MCC: variants seen among roughly 807,000 people sequenced by gnomAD.
The protein encoded by MCC is colorectal mutant cancer protein.
A neutral mutation model predicts 116.2 loss-of-function variants in MCC; 90 were observed. The observed-to-expected ratio is 0.77, with a 90% CI of 0.65 to 0.92. The LOEUF (loss-of-function observed/expected upper bound fraction) is 0.92, where lower values mean the gene tolerates loss of function less well. MCC is among the 40% of genes least tolerant of loss of function. The probability of loss-of-function intolerance (pLI) is 0.00; values close to 1 mark genes in which losing one functional copy is unlikely to be tolerated. For synonymous variants in MCC, 578 were observed against 510.5 expected (o/e 1.13, Z -1.78); for missense variants, 1,516 against 1,312.2 (o/e 1.16, Z -2.40).
At chr5:113,235,095 A>G (rs910024615) in intron 3 of MCC, among the ~76,000 whole-genome samples, 1 of 152,200 alleles carries the variant, frequency 6.6e-6, no homozygotes. Context: ...TGTTTGAGTG[A>G]GCTGATTCTG....
intron 3 of MCC, among the ~76,000 whole-genome samples, chr5:113,174,896 T>G (rs534854723): frequency 6.6e-6 from 1 of 151,500 alleles, no homozygotes; most frequent in African/African-American, 2.4e-5. Context: ...GATGACAGAT[T>G]TTTTTTTTAA....
At chr5:113,432,046 G>T (rs1220418968) in intron 1 of MCC, among the ~76,000 whole-genome samples, 1 of 152,210 alleles carries the variant, frequency 6.6e-6, no homozygotes, top group East Asian at 1.9e-4. Flanking sequence ...TGAGGCAGGA[G>T]AATTGGTTGA....
At chr5:113,128,922 A>C (rs1313559026) in intron 5 of MCC, among the ~76,000 whole-genome samples, 1 of 152,216 alleles carries the variant, frequency 6.6e-6, no homozygotes, top group African/African-American at 2.4e-5. Flanking sequence ...CATGTATACC[A>C]AGATGTACGT....
chr5:113,022,594 C>A lies in MCC; in HGVS notation c.*4708G>T, dbSNP rs1176260443. ...ATTATCAGGGGCTCTTACTCACTTG[C>A]CATTCCTGACATGAGCACTATAAGT... is the stretch of plus-strand genomic sequence containing the variant. On this transcript the variant is annotated 3_prime_UTR_variant, in exon 19 of 19. Transcript: ENST00000408903. The A allele has an allele frequency of 1.3e-5, 2 of 152,186 alleles. No homozygotes were observed. The highest frequency in any genetic ancestry group is 4.8e-5 in the African/African-American group (2 of 41,428). 9.4% of individuals were successfully genotyped at this position (152,186 alleles called of 1,614,324 possible).
chr5:113,204,852 T>C (rs1051881351), intron 3 of MCC, among the ~76,000 whole-genome samples: 1 of 152,220 alleles, frequency 6.6e-6, no homozygotes, highest in African/African-American at 2.4e-5. Context: ...ACAATCAGTT[T>C]TGAAGTCTTA....
intron 2 of MCC, among the ~76,000 whole-genome samples, chr5:113,370,571 T>A (rs1768813712): frequency 6.6e-6 from 1 of 152,164 alleles, no homozygotes; most frequent in East Asian, 1.9e-4. Context: ...AGAAGCCATC[T>A]CCTCCTCTAC....
intron 16 of MCC, chr5:113,044,499 A>G (rs1580910809): frequency 1.0e-6 from 1 of 983,910 alleles, no homozygotes; most frequent in African/African-American, 1.7e-5. Flanking sequence ...CTCAACGGAC[A>G]TGAGTGCTAC....
chr5:113,094,371 A>G (rs1054961150), intron 8 of MCC, among the ~76,000 whole-genome samples: 53 of 149,394 alleles, frequency 3.5e-4, no homozygotes, highest in Admixed American at 8.0e-4. Context: ...AAGTACCTGG[A>G]TGTGTTATAA....
chr5:113,402,920 C>A (rs185054447), intron 1 of MCC, among the ~76,000 whole-genome samples: 33 of 152,260 alleles, frequency 2.2e-4, no homozygotes, highest in Non-Finnish European at 4.4e-4. Context: ...TCAGCCTTCA[C>A]ACCCAGATAA....
intron 1 of MCC, among the ~76,000 whole-genome samples, chr5:113,390,642 C>T (rs573771629): frequency 6.6e-6 from 1 of 152,266 alleles, no homozygotes; most frequent in Admixed American, 6.5e-5. Context: ...AATTCGCAGC[C>T]TAACCTTGGG....
intron 3 of MCC, among the ~76,000 whole-genome samples, chr5:113,185,675 ACTT>A (rs1761864666): frequency 6.6e-6 from 1 of 152,230 alleles, no homozygotes; most frequent in Non-Finnish European, 1.5e-5. Flanking sequence ...AGCTTTACAA[ACTT>A]CAACCTCTCT....
chr5:113,089,614 A>T (rs567229269), intron 8 of MCC, among the ~76,000 whole-genome samples: 2 of 152,260 alleles, frequency 1.3e-5, no homozygotes, highest in African/African-American at 4.8e-5. Context: ...CTAGAGTGGC[A>T]CTATCTGCTA....
chr5:113,109,081 C>A (rs1756926390), intron 6 of MCC, among the ~76,000 whole-genome samples: 1 of 152,334 alleles, frequency 6.6e-6, no homozygotes, highest in African/African-American at 2.4e-5. Context: ...TGGCTCCAGA[C>A]AGAACTGTCT....
rs571794700 is a variant in MCC at position 113,109,987 on chromosome 5, C to CT, written c.1028-5633dup. On this transcript the variant is annotated intron_variant, in intron 6 of 18. Transcript: ENST00000408903. ...TACTTTATTTTTTTATTTTAAAAAT[C>CT]TTTTTTTTTTCTCCAGAGACAGGAT... Among the ~76,000 whole-genome samples, 100 of 150,190 alleles carry CT rather than the reference C, an allele frequency of 6.7e-4. 1 individual carries two copies. The South Asian group carries it at 0.02, about 30-fold the overall frequency.
chr5:113,081,625 A>T (rs986057670), intron 11 of MCC, among the ~76,000 whole-genome samples: 4 of 152,188 alleles, frequency 2.6e-5, no homozygotes, highest in Non-Finnish European at 5.9e-5. Context: ...TGCAAAGGGC[A>T]TATCTGATTC....
chr5:113,353,656 AC>A (rs1768337595), intron 2 of MCC, among the ~76,000 whole-genome samples: 1 of 152,192 alleles, frequency 6.6e-6, no homozygotes, highest in Admixed American at 6.5e-5. Context: ...CTAGAGGGTC[AC>A]CCGTAGGATT....
chr5:113,284,532 A>G (rs1021279234), intron 3 of MCC, among the ~76,000 whole-genome samples: 2 of 152,242 alleles, frequency 1.3e-5, no homozygotes, highest in African/African-American at 4.8e-5. Flanking sequence ...GAGGAAGTTG[A>G]GGCAGAAGAG....
chr5:113,059,797 T>C (rs1442931475), intron 14 of MCC, among the ~76,000 whole-genome samples: 3 of 152,052 alleles, frequency 2.0e-5, no homozygotes, highest in Non-Finnish European at 4.4e-5. Flanking sequence ...AGCAGGCCTG[T>C]AGCCTGGTGG....
chr5:113,447,212 C>A (rs1370798473), intron 1 of MCC, among the ~76,000 whole-genome samples: 2 of 152,010 alleles, frequency 1.3e-5, no homozygotes, highest in Non-Finnish European at 2.9e-5. Context: ...ATGTGTATTG[C>A]CAGATTAGAA....
Sources: gnomAD v4.1 joint callset for allele counts (sites outside exome capture counted in the v4.1 genomes callset) on GRCh38, gnomAD v4.1.1 for gene constraint, MANE v1.5 for transcripts, NCBI Gene and HGNC (gene_info 2026-07-23, HGNC 2026-07-21) for gene names.